The following ZSCAN25 variants were observed in gnomAD, a reference collection of about 807,000 sequenced individuals.
ZSCAN25 encodes zinc finger and SCAN domain-containing protein 25.
ZSCAN25 carries 27 observed loss-of-function variants against 38.7 expected under a neutral mutation model. That is an observed-to-expected ratio of 0.70 (90% CI 0.51 to 0.96). The LOEUF (loss-of-function observed/expected upper bound fraction) is 0.96, where lower values mean the gene tolerates loss of function less well. ZSCAN25 is among the 40% of genes least tolerant of loss of function. ZSCAN25 has a pLI of 0.00. For missense variants in ZSCAN25, 637 were observed against 705.9 expected (o/e 0.90, Z 1.11); for synonymous variants, 273 against 277.7 (o/e 0.98, Z 0.17).
chr7:99,620,310 C>T lies in ZSCAN25; in HGVS notation c.387+317C>T, dbSNP rs775716420. On this transcript the variant is annotated intron_variant, in intron 4 of 7. Transcript: ENST00000394152. Reference sequence around the variant, plus strand: ...TTTTTGGGGTCCCTCATAGACCTGACCCTGCTTTGGACAGAGATGCCTCTG... The same window carrying T: ...TTTTTGGGGTCCCTCATAGACCTGATCCTGCTTTGGACAGAGATGCCTCTG... 1.3e-5 allele frequency: 4 copies of T among 296,734 alleles called. No homozygotes were observed. In the South Asian group the frequency reaches 1.9e-4, roughly 14 times the overall value. 18.4% of individuals were successfully genotyped at this position (296,734 alleles called of 1,614,324 possible).
the ZSCAN25 span, among the ~76,000 whole-genome samples, chr7:99,733,611 G>C: frequency 7.9e-5 from 12 of 152,272 alleles, no homozygotes; most frequent in East Asian, 1.9e-3. Context: ...CACACACAGA[G>C]TGACACTGAT....
At chr7:99,722,941 C>T in the ZSCAN25 span, among the ~76,000 whole-genome samples, 1 of 152,092 alleles carries the variant, frequency 6.6e-6, no homozygotes, top group Non-Finnish European at 1.5e-5. Flanking sequence ...AGTTTTCCAG[C>T]TTAACATGAA....
the ZSCAN25 span, among the ~76,000 whole-genome samples, chr7:99,728,424 C>T: frequency 3.9e-5 from 6 of 152,284 alleles, no homozygotes; most frequent in African/African-American, 1.2e-4. Flanking sequence ...TGCTCTTTCT[C>T]ATACCCAGTT....
the ZSCAN25 span, among the ~76,000 whole-genome samples, chr7:99,703,770 T>A: frequency 6.6e-6 from 1 of 152,088 alleles, no homozygotes; most frequent in African/African-American, 2.4e-5. Context: ...ATGGATGCCC[T>A]CCTGACCTCA....
the ZSCAN25 span, chr7:99,660,209 C>T: frequency 1.1e-6 from 1 of 901,612 alleles, no homozygotes; most frequent in Non-Finnish European, 1.3e-6. Context: ...CTTCTCGCCA[C>T]ACTCCTTTTT....
chr7:99,693,267 G>T, the ZSCAN25 span, among the ~76,000 whole-genome samples: 1 of 152,052 alleles, frequency 6.6e-6, no homozygotes, highest in Non-Finnish European at 1.5e-5. Flanking sequence ...TCCTCTGGAA[G>T]CTTCATCCCA....
At chr7:99,673,219 A>G in the ZSCAN25 span, among the ~76,000 whole-genome samples, 1 of 152,284 alleles carries the variant, frequency 6.6e-6, no homozygotes, top group African/African-American at 2.4e-5. Context: ...GCTCCACAGC[A>G]CTCCACAGTC....
intron 4 of ZSCAN25, chr7:99,621,059 T>G (rs1806912329): frequency 4.8e-6 from 1 of 206,844 alleles, no homozygotes; most frequent in East Asian, 1.0e-4. Flanking sequence ...AATTAGGAAT[T>G]TTTTTTTCTA....
chr7:99,638,787 A>G, the ZSCAN25 span: 1 of 874,462 alleles, frequency 1.1e-6, no homozygotes, highest in Non-Finnish European at 1.9e-6. Context: ...AGCTGGGGCC[A>G]GGGGCATTCA....
intron 4 of ZSCAN25, 98 bp from the exon 5 acceptor site, chr7:99,621,275 G>A (rs1806929559): frequency 9.0e-7 from 1 of 1,106,978 alleles, no homozygotes; most frequent in Non-Finnish European, 1.2e-6. Flanking sequence ...AAGCTGGAAT[G>A]GTTCTTTTCT....
the ZSCAN25 span, chr7:99,680,072 A>G: frequency 1.6e-6 from 1 of 618,270 alleles, no homozygotes; most frequent in Non-Finnish European, 2.9e-6. Context: ...AATAGCAAAG[A>G]ATCGCACACA....
chr7:99,658,422 T>G, the ZSCAN25 span, among the ~76,000 whole-genome samples: 1 of 152,212 alleles, frequency 6.6e-6, no homozygotes, highest in Non-Finnish European at 1.5e-5. Flanking sequence ...CACTCTCTAC[T>G]GGCTTGTAGA....
At chr7:99,678,044 G>C in the ZSCAN25 span, among the ~76,000 whole-genome samples, 5 of 152,252 alleles carry the variant, frequency 3.3e-5, no homozygotes, top group Non-Finnish European at 5.9e-5. Flanking sequence ...AGAAAAGCCA[G>C]TCATCTATTG....
the ZSCAN25 span, chr7:99,647,567 G>C: frequency 3.5e-5 from 34 of 985,240 alleles, no homozygotes; most frequent in Non-Finnish European, 3.9e-5. Context: ...GGGAGATGTG[G>C]TAAAAATAAT....
chr7:99,647,165 A>G, the ZSCAN25 span, among the ~76,000 whole-genome samples: 3 of 152,140 alleles, frequency 2.0e-5, no homozygotes, highest in Admixed American at 1.3e-4. Flanking sequence ...TCCAGGCCCT[A>G]TTTAGGCTCT....
the ZSCAN25 span, among the ~76,000 whole-genome samples, chr7:99,700,389 C>T: frequency 6.6e-6 from 1 of 152,108 alleles, no homozygotes; most frequent in Admixed American, 6.6e-5. Flanking sequence ...CCATGGCTGT[C>T]TTCATTCCAG....
chr7:99,632,989 G>GTTGTTTTTTTTTTTTTTTTTTTTT (rs1554412109), downstream of ZSCAN25, among the ~76,000 whole-genome samples: 35 of 128,562 alleles, frequency 2.7e-4, 1 homozygote, highest in African/African-American at 1.0e-3. Context: ...ATTTTCTGTT[G>GTTGTTTTTTTTTTTTTTTTTTTTT]TTTTTTTTTT....
At chr7:99,666,636 CCG>C in the ZSCAN25 span, 1 of 1,613,908 alleles carries the variant, frequency 6.2e-7, no homozygotes, top group African/African-American at 1.3e-5. Context: ...TCTCTGCTTC[CCG>C]CCTCAAGTTT....
the ZSCAN25 span, among the ~76,000 whole-genome samples, chr7:99,652,938 T>G: frequency 6.6e-6 from 1 of 152,174 alleles, no homozygotes. Context: ...GCATGTCCAT[T>G]GATGTGCTCA....
Sources: allele counts gnomAD v4.1 joint callset (sites outside exome capture counted in the v4.1 genomes callset), GRCh38; gene constraint gnomAD v4.1.1; transcripts MANE v1.5; gene names NCBI Gene and HGNC (gene_info 2026-07-23, HGNC 2026-07-21).